The following USP32 variants were observed in gnomAD, a reference collection of about 807,000 sequenced individuals.
The protein encoded by USP32 is ubiquitin carboxyl-terminal hydrolase 32.
USP32 carries 59 observed loss-of-function variants against 204.8 expected under a neutral mutation model. That is an observed-to-expected ratio of 0.29 (90% CI 0.23 to 0.36). The LOEUF (loss-of-function observed/expected upper bound fraction) is 0.36. Among genes scored for constraint, USP32 ranks in the 10% least tolerant of loss-of-function variants. USP32 has a pLI of 1.00. For synonymous variants in USP32, 517 were observed against 678.4 expected (o/e 0.76, Z 3.70); for missense variants, 1,160 against 1,946.4 (o/e 0.60, Z 7.60).
intron 1 of USP32, among the ~76,000 whole-genome samples, chr17:60,418,025 C>A (rs2090076071): frequency 6.7e-6 from 1 of 149,204 alleles, no homozygotes; most frequent in Non-Finnish European, 1.5e-5. Context: ...ATGGCACGAT[C>A]TCGGCTCACC....
chr17:60,419,319 C>A (rs947303594), intron 1 of USP32, among the ~76,000 whole-genome samples: 11 of 152,140 alleles, frequency 7.2e-5, no homozygotes, highest in African/African-American at 2.7e-4. Flanking sequence ...ATGATGAGAA[C>A]ACATGAACAC....
At chr17:60,374,843 T>C (rs902083069) in intron 1 of USP32, among the ~76,000 whole-genome samples, 3 of 152,230 alleles carry the variant, frequency 2.0e-5, no homozygotes, top group Non-Finnish European at 4.4e-5. Context: ...ATCACAGTTG[T>C]GTATGCAGTC....
At chr17:60,263,197 C>T (rs919130573) in intron 9 of USP32, among the ~76,000 whole-genome samples, 1 of 152,132 alleles carries the variant, frequency 6.6e-6, no homozygotes, top group African/African-American at 2.4e-5. Context: ...ATTCTCCCAC[C>T]TCAGCCTTCC....
chr17:60,268,763 T>C (rs1482473981), intron 7 of USP32, among the ~76,000 whole-genome samples: 1 of 152,118 alleles, frequency 6.6e-6, no homozygotes, highest in African/African-American at 2.4e-5. Flanking sequence ...ATTAAATCAA[T>C]TGAGCGCATC....
chr17:60,235,173 A>G (rs1310977241), intron 12 of USP32, among the ~76,000 whole-genome samples: 1 of 152,238 alleles, frequency 6.6e-6, no homozygotes, highest in Non-Finnish European at 1.5e-5. Flanking sequence ...CTTTGAGTCT[A>G]TACTCATTAA....
intron 2 of USP32, among the ~76,000 whole-genome samples, chr17:60,333,190 T>C (rs183555470): frequency 1.0e-3 from 154 of 152,322 alleles, no homozygotes; most frequent in African/African-American, 3.2e-3. Flanking sequence ...AAAGCTTTAC[T>C]AATAGCCTGA....
At chr17:60,232,168 C>CTTTTT (rs58707657) in intron 12 of USP32, among the ~76,000 whole-genome samples, 210 of 109,448 alleles carry the variant, frequency 1.9e-3, no homozygotes, top group Non-Finnish European at 2.5e-3. Context: ...TTTTCTTTTT[C>CTTTTT]TTTTTTTTTT....
At chr17:60,295,676 G>T (rs2087410666) in intron 3 of USP32, among the ~76,000 whole-genome samples, 1 of 152,178 alleles carries the variant, frequency 6.6e-6, no homozygotes. Flanking sequence ...CACAAGAAGG[G>T]TGAGTACAGG....
chr17:60,356,380 A>C (rs1296643901), intron 1 of USP32, among the ~76,000 whole-genome samples: 2 of 152,156 alleles, frequency 1.3e-5, no homozygotes, highest in African/African-American at 2.4e-5. Context: ...CATGTGCCCC[A>C]AAATTCCCAT....
chr17:60,200,137 T>C lies in USP32; in HGVS notation c.3250-1693A>G, dbSNP rs149774169. The stretch of plus-strand genomic sequence containing the variant: ...TGAACGCAGGAGGCATAGAGTACAG[T>C]GAGCCGAGATCGTGCCATTGCACTC... On this transcript the variant is annotated intron_variant, in intron 26 of 33. Coordinates refer to ENST00000300896, the MANE Select transcript of USP32 (RefSeq NM_032582.4). 7.6e-3 allele frequency among the ~76,000 whole-genome samples: 1,155 copies of C among 151,456 alleles called. 12 individuals are homozygous for C. The highest frequency in any genetic ancestry group is 0.026 in the African/African-American group (1,072 of 41,178).
At chr17:60,378,313 A>C (rs2089587097) in intron 1 of USP32, among the ~76,000 whole-genome samples, 1 of 152,212 alleles carries the variant, frequency 6.6e-6, no homozygotes, top group African/African-American at 2.4e-5. Flanking sequence ...GTAGATATGG[A>C]GAAAATGGAA....
chr17:60,325,133 A>G (rs949865757), intron 2 of USP32, among the ~76,000 whole-genome samples: 2 of 151,812 alleles, frequency 1.3e-5, no homozygotes, highest in Non-Finnish European at 2.9e-5. Context: ...AAAGAAACCT[A>G]GCTGCCACGG....
At chr17:60,416,521 A>G (rs982343539) in intron 1 of USP32, among the ~76,000 whole-genome samples, 1 of 152,186 alleles carries the variant, frequency 6.6e-6, no homozygotes, top group Non-Finnish European at 1.5e-5. Context: ...TGGAGGGATG[A>G]CTTTGTTGAA....
chr17:60,194,416 T>C (rs190438586), intron 27 of USP32, among the ~76,000 whole-genome samples: 81 of 152,322 alleles, frequency 5.3e-4, no homozygotes, highest in African/African-American at 1.8e-3. Context: ...CCTATGCCAC[T>C]TGTGCATGAT....
rs1270022699 is a variant in USP32 at position 60,349,597 on chromosome 17, ATATATATATATATATATATATAT to A, written c.59-4012_59-3990del. Among the ~76,000 whole-genome samples, 136 of 38,514 alleles carry A rather than the reference ATATATATATATATATATATATAT, an allele frequency of 3.5e-3. 3 individuals are homozygous for A. The highest frequency in any genetic ancestry group is 0.013 in the African/African-American group (124 of 9,738). 25.3% of individuals were successfully genotyped at this position (38,514 alleles called of 152,430 possible). A position where few individuals can be genotyped will look rare whatever the true frequency, so the allele number is the denominator to read the frequency against. On this transcript the variant is annotated intron_variant, in intron 1 of 33. Transcript: ENST00000300896. ...TCAAAAGAAAAAAAAAAAAAAAAAAATATATATATATATATATATATATATATTATATATATATATATATATTA... is the reference window on the plus strand; with the variant it reads ...TCAAAAGAAAAAAAAAAAAAAAAAAAATATTATATATATATATATATATTA...
intron 1 of USP32, among the ~76,000 whole-genome samples, chr17:60,398,262 G>A (rs1567896209): frequency 2.0e-5 from 3 of 152,056 alleles, no homozygotes; most frequent in African/African-American, 7.2e-5. Flanking sequence ...TAGGCACAGT[G>A]GTGTACCTCT....
intron 1 of USP32, among the ~76,000 whole-genome samples, chr17:60,356,244 G>A (rs77965831): frequency 1.3e-5 from 2 of 152,082 alleles, no homozygotes; most frequent in Non-Finnish European, 2.9e-5. Flanking sequence ...TGGCAGATGG[G>A]GCTAACAAGA....
intron 4 of USP32, 60 bp from the exon 5 acceptor site, chr17:60,288,742 C>T: frequency 1.4e-6 from 2 of 1,444,830 alleles, no homozygotes; most frequent in South Asian, 1.3e-5. Flanking sequence ...TACTTGGAAC[C>T]TGCACAACCT....
chr17:60,401,706 C>A (rs1219870572), intron 1 of USP32, among the ~76,000 whole-genome samples: 3 of 150,650 alleles, frequency 2.0e-5, no homozygotes, highest in African/African-American at 4.9e-5. Context: ...CATGGTGAAA[C>A]CCCATCTCTA....
Sources: allele counts gnomAD v4.1 joint callset (sites outside exome capture counted in the v4.1 genomes callset), GRCh38; gene constraint gnomAD v4.1.1; transcripts MANE v1.5; gene names NCBI Gene and HGNC (gene_info 2026-07-23, HGNC 2026-07-21).